RAB31: variants seen among roughly 807,000 people sequenced by gnomAD.
RAB31 encodes the protein RAB31, member RAS oncogene family, also known as ras-related protein Rab-31.
RAB31 carries 21 observed loss-of-function variants against 25.6 expected under a neutral mutation model. The observed-to-expected ratio is 0.82, with a 90% CI of 0.58 to 1.18. RAB31 has a LOEUF of 1.18. Ranked by LOEUF, RAB31 falls within the 50% of genes most tolerant of loss-of-function variation. RAB31 has a pLI of 0.00. For missense variants in RAB31, 196 were observed against 250.1 expected (o/e 0.78, Z 1.46); for synonymous variants, 87 against 84.0 (o/e 1.04, Z -0.20).
intron 3 of RAB31, among the ~76,000 whole-genome samples, chr18:9,807,949 T>C (rs1237244854): frequency 1.3e-5 from 2 of 152,208 alleles, no homozygotes; most frequent in Non-Finnish European, 2.9e-5. Flanking sequence ...CTGTACTCCA[T>C]CCTGGACGAC....
chr18:9,814,785 G>T, intron 4 of RAB31: 1 of 182,400 alleles, frequency 5.5e-6, no homozygotes, highest in South Asian at 1.1e-4. Flanking sequence ...TTTCTTCCTT[G>T]GTGTAAGCAT....
At chr18:9,720,083 C>T (rs2068066826) in intron 1 of RAB31, among the ~76,000 whole-genome samples, 1 of 152,186 alleles carries the variant, frequency 6.6e-6, no homozygotes, top group Non-Finnish European at 1.5e-5. Flanking sequence ...CCTGCCTCAG[C>T]CTCCCAAGTA....
At chr18:9,827,207 C>G (rs2068654142) in intron 5 of RAB31, among the ~76,000 whole-genome samples, 1 of 152,010 alleles carries the variant, frequency 6.6e-6, no homozygotes, top group Non-Finnish European at 1.5e-5. Context: ...GCTCAGGGGT[C>G]TCCTGTTGGC....
chr18:9,835,422 C>A (rs11872226), intron 5 of RAB31, among the ~76,000 whole-genome samples: 35,570 of 151,584 alleles, frequency 0.23, 4,480 homozygotes, highest in Non-Finnish European at 0.27. Flanking sequence ...ATGGCCAAGT[C>A]CCCTAGAGAA....
intron 5 of RAB31, among the ~76,000 whole-genome samples, chr18:9,817,307 G>A (rs543825089): frequency 3.9e-5 from 6 of 152,244 alleles, no homozygotes; most frequent in South Asian, 4.2e-4. Flanking sequence ...AGCAGAAAAC[G>A]ATTTAAACTT....
At chr18:9,824,179 T>C (rs1599054907) in intron 5 of RAB31, among the ~76,000 whole-genome samples, 1 of 152,120 alleles carries the variant, frequency 6.6e-6, no homozygotes, top group Non-Finnish European at 1.5e-5. Flanking sequence ...TATGTAGATA[T>C]GTGTGTGTAG....
Position 9,815,240 on chromosome 18 carries a change from C to A in RAB31, c.380+18C>A. Reference sequence around the variant, plus strand: ...GATATTAGGTAAGATGCATTGAAATCTCTTTTGTGTAGATACTGTCCTCCA... The same window carrying A: ...GATATTAGGTAAGATGCATTGAAATATCTTTTGTGTAGATACTGTCCTCCA... On this transcript the variant is annotated intron_variant, in intron 5 of 6. Coordinates refer to ENST00000578921, the MANE Select transcript of RAB31 (RefSeq NM_006868.4). 1.3e-6 allele frequency: 2 copies of A among 1,492,046 alleles called. No individual in the cohort carries two copies. Among genetic ancestry groups the A allele is most frequent in the South Asian group, 1.2e-5 (1 of 82,756 alleles). 92.4% of individuals were successfully genotyped at this position (1,492,046 alleles called of 1,614,324 possible).
chr18:9,719,284 AAAAAAAAAAAAAAAATAT>A (rs1177241352), intron 1 of RAB31, among the ~76,000 whole-genome samples: 6 of 63,444 alleles, frequency 9.5e-5, no homozygotes, highest in South Asian at 6.0e-4. Flanking sequence ...AAAAAAAAAA[AAAAAAAAAAAAAAAATAT>A]ATATATATAT....
intron 5 of RAB31, among the ~76,000 whole-genome samples, chr18:9,818,566 C>T (rs1405322691): frequency 1.3e-5 from 2 of 152,186 alleles, no homozygotes; most frequent in African/African-American, 4.8e-5. Context: ...GGATATACCA[C>T]ATTTTTATTT....
intron 5 of RAB31, among the ~76,000 whole-genome samples, chr18:9,838,927 A>C (rs530798305): frequency 1.3e-5 from 2 of 152,144 alleles, no homozygotes; most frequent in Non-Finnish European, 2.9e-5. Context: ...CTAAGTCCAT[A>C]GATTCCTCCA....
At chr18:9,764,529 TC>T (rs1278421268) in intron 1 of RAB31, among the ~76,000 whole-genome samples, 1 of 152,148 alleles carries the variant, frequency 6.6e-6, no homozygotes, top group African/African-American at 2.4e-5. Flanking sequence ...CCATCTCTCC[TC>T]CCCTTGACAA....
At chr18:9,773,470 T>C (rs2068355843) in intron 1 of RAB31, among the ~76,000 whole-genome samples, 1 of 152,156 alleles carries the variant, frequency 6.6e-6, no homozygotes. Flanking sequence ...AGTAGGAACA[T>C]GTTGGCAACG....
chr18:9,767,930 T>C (rs2068324649), intron 1 of RAB31, among the ~76,000 whole-genome samples: 1 of 152,100 alleles, frequency 6.6e-6, no homozygotes, highest in South Asian at 2.1e-4. Flanking sequence ...CCATGTGTTC[T>C]CATTGTTCAA....
At chr18:9,728,219 A>G (rs565565157) in intron 1 of RAB31, among the ~76,000 whole-genome samples, 2 of 152,342 alleles carry the variant, frequency 1.3e-5, no homozygotes, top group Admixed American at 6.5e-5. Context: ...TAAAAGTCAC[A>G]TAGTGTTCTC....
intron 1 of RAB31, among the ~76,000 whole-genome samples, chr18:9,737,572 A>C (rs1486718853): frequency 6.6e-6 from 1 of 152,240 alleles, no homozygotes; most frequent in African/African-American, 2.4e-5. Flanking sequence ...ACTAACGAGC[A>C]GATGACTGTC....
chr18:9,857,701 TA>T (rs1455329766), intron 6 of RAB31, among the ~76,000 whole-genome samples: 1 of 150,230 alleles, frequency 6.7e-6, no homozygotes. Flanking sequence ...GATAGATAGA[TA>T]GATAGATAGA....
intron 1 of RAB31, chr18:9,758,129 C>T (rs72955246): frequency 0.1 from 15,700 of 152,290 alleles, 972 homozygotes; most frequent in Non-Finnish European, 0.13. Context: ...CCACCCGAGA[C>T]GCGGCTCCTG....
At chr18:9,747,879 T>C (rs892869492) in intron 1 of RAB31, among the ~76,000 whole-genome samples, 2 of 152,224 alleles carry the variant, frequency 1.3e-5, no homozygotes, top group Non-Finnish European at 2.9e-5. Flanking sequence ...CATACAAAAA[T>C]TGATATGGTT....
At chr18:9,719,304 T>A (rs1378317206) in intron 1 of RAB31, among the ~76,000 whole-genome samples, 408 of 26,744 alleles carry the variant, frequency 0.015, 1 homozygote, top group Middle Eastern at 0.036. Context: ...AAAAAATATA[T>A]ATATATATAT....
Sources: allele counts gnomAD v4.1 joint callset (sites outside exome capture counted in the v4.1 genomes callset), GRCh38; gene constraint gnomAD v4.1.1; transcripts MANE v1.5; gene names NCBI Gene and HGNC (gene_info 2026-07-23, HGNC 2026-07-21).